Variants in MYOCD observed in about 807,000 individuals in gnomAD.
MYOCD encodes myocardin.
MYOCD carries 32 observed loss-of-function variants against 96.1 expected under a neutral mutation model. That is an observed-to-expected ratio of 0.33 (90% CI 0.25 to 0.45). The LOEUF (loss-of-function observed/expected upper bound fraction) is 0.45. Ranked by LOEUF, MYOCD falls within the 20% of genes least tolerant of loss-of-function variation. The probability of loss-of-function intolerance (pLI) is 1.00; values close to 1 mark genes in which losing one functional copy is unlikely to be tolerated. For synonymous variants in MYOCD, 469 were observed against 469.0 expected, an observed-to-expected ratio of 1.00 and a Z score of 0.00; for missense variants, 1,133 against 1,200.6, an observed-to-expected ratio of 0.94 and a Z score of 0.83.
intron 2 of MYOCD, among the ~76,000 whole-genome samples, chr17:12,712,786 T>G (rs1011484542): frequency 7.3e-5 from 11 of 149,668 alleles, no homozygotes; most frequent in Non-Finnish European, 1.6e-4. Flanking sequence ...CAAAATCACA[T>G]GGACTTTTTT....
rs548399331 is a variant in MYOCD, at chr17:12,697,453, C to T, written c.56-7675C>T. 5.4e-5 allele frequency among the ~76,000 whole-genome samples: 8 copies of T among 147,642 alleles called. 1 individual carries two copies. The highest frequency in any genetic ancestry group is 2.0e-4 in the African/African-American group (8 of 39,980). On this transcript the variant is annotated intron_variant, in intron 1 of 13. Coordinates refer to ENST00000425538, the MANE Select transcript of MYOCD (RefSeq NM_001146312.3). ...TCTTGGCTCACTGCAAGCTCCGCCT[C>T]CTGGGTTCATGCCATTCTCCTGCCT...
At chr17:12,694,980 T>G (rs1456468337) in intron 1 of MYOCD, among the ~76,000 whole-genome samples, 1 of 151,972 alleles carries the variant, frequency 6.6e-6, no homozygotes, top group East Asian at 1.9e-4. Context: ...GAATGTATCT[T>G]TGATATATTA....
chr17:12,711,584 G>T (rs2176665), intron 2 of MYOCD, among the ~76,000 whole-genome samples: 2 of 152,024 alleles, frequency 1.3e-5, no homozygotes, highest in Non-Finnish European at 2.9e-5. Context: ...GAGAACAACC[G>T]TAACTAAACC....
intron 4 of MYOCD, 71 bp from the exon 5 acceptor site, chr17:12,722,776 C>G: frequency 7.4e-7 from 1 of 1,350,898 alleles, no homozygotes; most frequent in Non-Finnish European, 1.0e-6. Context: ...TAACCACAAG[C>G]CAAAAAACAA....
chr17:12,681,970 G>A (rs1480572685), intron 1 of MYOCD, among the ~76,000 whole-genome samples: 1 of 152,194 alleles, frequency 6.6e-6, no homozygotes, highest in African/African-American at 2.4e-5. Flanking sequence ...CCTGGAATCA[G>A]AAGGCAAGGA....
At chr17:12,700,067 C>T (rs1362558892) in intron 1 of MYOCD, among the ~76,000 whole-genome samples, 1 of 151,742 alleles carries the variant, frequency 6.6e-6, no homozygotes, top group Non-Finnish European at 1.5e-5. Context: ...CACCACCAGG[C>T]CTGGCTAATT....
chr17:12,743,428 A>G (rs568384666), intron 7 of MYOCD, among the ~76,000 whole-genome samples: 1 of 152,046 alleles, frequency 6.6e-6, no homozygotes, highest in Non-Finnish European at 1.5e-5. Context: ...TATGTCATTA[A>G]TAAGTCGACT....
rs550078714 is a variant in MYOCD at position 12,755,715 on chromosome 17, T to C, written c.2059-699T>C. On this transcript the variant is annotated intron_variant, in intron 10 of 13. Transcript: ENST00000425538. ...GGTGAGACCCCATCTCTACTAAAAG[T>C]ACAAAAATTAGCCGGGCGTGGTGGC... Among the ~76,000 whole-genome samples, 21 of 151,974 alleles carry C rather than the reference T, an allele frequency of 1.4e-4. 1 individual carries two copies. Among genetic ancestry groups the C allele is most frequent in the Non-Finnish European group, 2.4e-4 (16 of 67,970 alleles).
chr17:12,701,200 T>G (rs2150669584), intron 1 of MYOCD, among the ~76,000 whole-genome samples: 1 of 152,204 alleles, frequency 6.6e-6, no homozygotes, highest in African/African-American at 2.4e-5. Flanking sequence ...TCACTTGAGG[T>G]TAGGAGTTCT....
At position 12,756,515 on chromosome 17, in the gene MYOCD, C is replaced by T. The variant is rs764978721; in HGVS notation, c.2160C>T (p.Ala720=). The change falls in exon 11 of 14, where the codon GCC becomes GCT. Residue 720 remains alanine (A), a synonymous_variant. Transcript: ENST00000425538. ...CCCAAGCAGACAGCAGTCATGGTGC[C>T]GGGGGAAACCCTTGTCCCAAAAGCC... is the stretch of plus-strand genomic sequence containing the variant. ...SGAQADSSHG[A]GGNPCPKSPC... 1.5e-5 allele frequency: 23 copies of T among 1,551,430 alleles called. No individual in the cohort carries two copies. In the Admixed American group the frequency reaches 1.8e-4, roughly 12 times the overall value.
Position 12,752,534 on chromosome 17 carries a change from G to A in MYOCD, c.1246G>A (p.Gly416Arg). 6.2e-7 allele frequency: 1 copy of A among 1,614,076 alleles called. No homozygotes were observed. The highest frequency in any genetic ancestry group is 8.5e-7 in the Non-Finnish European group (1 of 1,180,018). The change falls in exon 10 of 14, where the codon GGG becomes AGG. Residue 416 changes from glycine (G) to arginine (R), a missense_variant. By Grantham distance (125) the Gly-to-Arg change is moderately radical. Coordinates refer to ENST00000425538, the MANE Select transcript of MYOCD (RefSeq NM_001146312.3). Reference sequence around the variant, plus strand: ...CTCTGGCAACCCAGTGCCGAACTTTGGGGATATAACGACTGTCACTTTTCC... The same window carrying A: ...CTCTGGCAACCCAGTGCCGAACTTTAGGGATATAACGACTGTCACTTTTCC... ...DCSGNPVPNF[G>R]DITTVTFPVT... is the part of the protein sequence containing the mutation.
rs955634825 is a variant in MYOCD at position 12,758,143 on chromosome 17, C to A, written c.2261C>A (p.Thr754Asn). The A allele has an allele frequency of 2.5e-6, 4 of 1,614,072 alleles. No individual in the cohort carries two copies. The African/African-American group carries it at 4.0e-5, about 16-fold the overall frequency. Residue 754 changes from threonine (T) to asparagine (N), a missense_variant, in exon 12 of 14, where the codon ACT (threonine) becomes AAT (asparagine). Coordinates refer to ENST00000425538, the MANE Select transcript of MYOCD (RefSeq NM_001146312.3). ...VGPKFSIPSP[T>N]FSKSSSAISE... Reference sequence around the variant, plus strand: ...CCAAAGTTTTCAATTCCATCCCCAACTTTTTCTAAGTCAAGTTCAGCAATT... The same window carrying A: ...CCAAAGTTTTCAATTCCATCCCCAAATTTTTCTAAGTCAAGTTCAGCAATT...
At chr17:12,760,796 A>G (rs1033741405) in intron 13 of MYOCD, 89 bp downstream of exon 13, 45 of 1,069,994 alleles carry the variant, frequency 4.2e-5, no homozygotes, top group Admixed American at 7.4e-5. Flanking sequence ...TCAGATGCAC[A>G]CTGTGAGTTG....
chr17:12,666,381 C>G (rs146593869), intron 1 of MYOCD, 138 bp downstream of exon 1: 1 of 684,794 alleles, frequency 1.5e-6, no homozygotes, highest in Non-Finnish European at 2.6e-6. Flanking sequence ...ATTGTGGAAG[C>G]GAAGAGTTTT....
At chr17:12,718,488 C>T (rs183450568) in intron 4 of MYOCD, among the ~76,000 whole-genome samples, 15 of 152,286 alleles carry the variant, frequency 9.8e-5, no homozygotes, top group South Asian at 2.1e-4. Context: ...AGCTTTAAAG[C>T]GCACGAAAGA....
chr17:12,677,401 C>T (rs1051120502), intron 1 of MYOCD, among the ~76,000 whole-genome samples: 3 of 151,806 alleles, frequency 2.0e-5, no homozygotes, highest in African/African-American at 7.3e-5. Context: ...ACATGTGCCC[C>T]TAAACTTAAA....
chr17:12,714,787 T>C lies in MYOCD; in HGVS notation c.122-732T>C, dbSNP rs73977944. 3.0e-3 allele frequency among the ~76,000 whole-genome samples: 453 copies of C among 152,314 alleles called. 2 individuals are homozygous for C. Among genetic ancestry groups the C allele is most frequent in the African/African-American group, 0.011 (438 of 41,560 alleles). On this transcript the variant is annotated intron_variant, in intron 2 of 13. Transcript: ENST00000425538. ...ACGGCTGCTGTGTGTTCTGTATGAC[T>C]GACCAGTGCCTGTGTCTACTGGTTG...
At chr17:12,745,818 T>A in intron 8 of MYOCD, 101 bp from the exon 9 acceptor site, 3 of 1,259,730 alleles carry the variant, frequency 2.4e-6, no homozygotes, top group East Asian at 2.3e-5. Flanking sequence ...GTTTATTACA[T>A]GCCTGACCCT....
rs145829555 is a variant in MYOCD at position 12,749,824 on chromosome 17, T to G, written c.1126-2590T>G. ...GAATAAAATTCCTGAATTAAATATA[T>G]TAATATTGTTTAAAGTTTTTTGTTT... On this transcript the variant is annotated intron_variant, in intron 9 of 13. Transcript: ENST00000425538. Among the ~76,000 whole-genome samples, 216 of 151,218 alleles carry G rather than the reference T, an allele frequency of 1.4e-3. 2 individuals carry two copies. Among genetic ancestry groups the G allele is most frequent in the African/African-American group, 5.1e-3 (210 of 40,930 alleles).
Sources: gnomAD v4.1 joint callset for allele counts (sites outside exome capture counted in the v4.1 genomes callset) on GRCh38, gnomAD v4.1.1 for gene constraint, MANE v1.5 for transcripts, NCBI Gene and HGNC (gene_info 2026-07-23, HGNC 2026-07-21) for gene names.